Variants in FAF1 observed in about 807,000 individuals in gnomAD.
FAF1 encodes FAS-associated factor 1.
Under a neutral mutation model 92.5 loss-of-function variants are expected in FAF1, and 25 were observed. The ratio of observed to expected loss-of-function variants is 0.27; its 90% CI spans 0.20 to 0.38. The LOEUF is 0.38. Ranked by LOEUF, FAF1 falls within the 10% of genes least tolerant of loss-of-function variation. The probability of loss-of-function intolerance (pLI) is 1.00; values close to 1 mark genes in which losing one functional copy is unlikely to be tolerated. For missense variants in FAF1, 636 were observed against 793.3 expected (o/e 0.80, Z 2.38); for synonymous variants, 234 against 273.2 (o/e 0.86, Z 1.42).
At chr1:50,788,691 A>G (rs912366608) in intron 3 of FAF1, among the ~76,000 whole-genome samples, 1 of 152,210 alleles carries the variant, frequency 6.6e-6, no homozygotes. Context: ...TGCCAAGAAA[A>G]CAAAAGCCAT....
intron 8 of FAF1, among the ~76,000 whole-genome samples, chr1:50,622,862 G>A (rs994536447): frequency 6.6e-6 from 1 of 152,200 alleles, no homozygotes; most frequent in Non-Finnish European, 1.5e-5. Flanking sequence ...CCAGGAAGCA[G>A]TGGTAGGCAC....
rs950053547 is a variant in FAF1, at chr1:50,620,386, T to C, written c.745-24170A>G. ...CTTGTATTGTATTATGAAATTCTTG[T>C]AGTAAACTTAGCAGCTCTAGAAATT... On this transcript the variant is annotated intron_variant, in intron 8 of 18. Transcript: ENST00000396153. Among the ~76,000 whole-genome samples, 29 of 152,248 alleles carry C rather than the reference T, an allele frequency of 1.9e-4. 1 individual carries two copies. Among genetic ancestry groups the C allele is most frequent in the African/African-American group, 7.0e-4 (29 of 41,462 alleles).
chr1:50,501,625 C>T (rs537171911), intron 15 of FAF1, among the ~76,000 whole-genome samples: 66 of 149,786 alleles, frequency 4.4e-4, no homozygotes, highest in African/African-American at 1.2e-3. Context: ...TGCACCACTG[C>T]ACTCCAGCCT....
intron 7 of FAF1, among the ~76,000 whole-genome samples, chr1:50,693,984 T>C (rs1277831292): frequency 7.8e-6 from 1 of 127,692 alleles, no homozygotes; most frequent in African/African-American, 3.6e-5. Flanking sequence ...AAGTGATCTA[T>C]ATGTATATGT....
intron 8 of FAF1, among the ~76,000 whole-genome samples, chr1:50,621,396 T>TC (rs1395756109): frequency 1.4e-4 from 17 of 124,036 alleles, no homozygotes; most frequent in Non-Finnish European, 2.5e-4. Flanking sequence ...TTTTTCTTTT[T>TC]TTTTTTTTTT....
chr1:50,648,257 T>TCAAAACAAAA (rs548826664), intron 8 of FAF1, among the ~76,000 whole-genome samples: 9 of 151,840 alleles, frequency 5.9e-5, no homozygotes, highest in African/African-American at 2.2e-4. Context: ...AAACTCCGTC[T>TCAAAACAAAA]CAAAACAAAA....
intron 2 of FAF1, among the ~76,000 whole-genome samples, chr1:50,835,097 T>C (rs903677150): frequency 6.6e-6 from 1 of 152,178 alleles, no homozygotes; most frequent in Non-Finnish European, 1.5e-5. Flanking sequence ...TGTGAGGAAG[T>C]ATGTGAAGAT....
Position 50,567,024 on chromosome 1 carries a change from T to C in FAF1, c.1268+53A>G, listed in dbSNP as rs546585231. The C allele has an allele frequency of 7.0e-5, 95 of 1,349,860 alleles. No individual in the cohort carries two copies. The African/African-American group carries it at 1.2e-3, about 16-fold the overall frequency. The allele number at this position is 1,349,860 out of a possible 1,614,324, so 83.6% of individuals were successfully genotyped here. ...ATGTTTATGATGATGATAAACACAA[T>C]GATTTTTTTTTTAATAGAAGCCCAA... On this transcript the variant is annotated intron_variant, in intron 13 of 18. Coordinates refer to ENST00000396153, the MANE Select transcript of FAF1 (RefSeq NM_007051.3).
At chr1:50,839,351 C>T (rs1644238352) in intron 2 of FAF1, among the ~76,000 whole-genome samples, 1 of 152,102 alleles carries the variant, frequency 6.6e-6, no homozygotes, top group South Asian at 2.1e-4. Context: ...GCTAAAAATT[C>T]ACAATATTTG....
chr1:50,929,690 C>T (rs1395806503), intron 1 of FAF1, among the ~76,000 whole-genome samples: 1 of 152,138 alleles, frequency 6.6e-6, no homozygotes, highest in Non-Finnish European at 1.5e-5. Context: ...TATCATGTGC[C>T]AGGCATAGTG....
chr1:50,845,131 A>G (rs1462225465), intron 2 of FAF1, among the ~76,000 whole-genome samples: 1 of 152,214 alleles, frequency 6.6e-6, no homozygotes, highest in East Asian at 1.9e-4. Flanking sequence ...AAGAAAAAAA[A>G]GAAAAATCTC....
chr1:50,895,110 G>GA (rs1043749242), intron 1 of FAF1, among the ~76,000 whole-genome samples: 36 of 150,096 alleles, frequency 2.4e-4, no homozygotes, highest in Non-Finnish European at 4.7e-4. Context: ...TTTTAGAAAA[G>GA]AAAAAAAAAT....
chr1:50,839,987 T>A (rs1325697880), intron 2 of FAF1, among the ~76,000 whole-genome samples: 2 of 151,884 alleles, frequency 1.3e-5, no homozygotes, highest in Admixed American at 6.6e-5. Flanking sequence ...GACAAGGCAA[T>A]TTAATAAGGA....
At chr1:50,663,689 C>G (rs1185134966) in intron 7 of FAF1, among the ~76,000 whole-genome samples, 4 of 151,596 alleles carry the variant, frequency 2.6e-5, no homozygotes, top group Admixed American at 2.6e-4. Flanking sequence ...TGGCGTGAGC[C>G]ACCGCGCCCG....
chr1:50,459,133 G>C (rs748659204), intron 18 of FAF1, among the ~76,000 whole-genome samples: 1 of 151,924 alleles, frequency 6.6e-6, no homozygotes, highest in Non-Finnish European at 1.5e-5. Context: ...CACCACACCT[G>C]GCTAATTTTT....
chr1:50,870,162 A>T (rs1478854829), intron 1 of FAF1, among the ~76,000 whole-genome samples: 1 of 152,216 alleles, frequency 6.6e-6, no homozygotes, highest in East Asian at 1.9e-4. Flanking sequence ...TTGCATTTTT[A>T]AAAAATTGAA....
intron 12 of FAF1, among the ~76,000 whole-genome samples, chr1:50,568,667 C>T (rs1015153909): frequency 6.6e-6 from 1 of 152,124 alleles, no homozygotes; most frequent in Non-Finnish European, 1.5e-5. Flanking sequence ...GTTTAGAAAG[C>T]GGACTTGTCC....
intron 4 of FAF1, among the ~76,000 whole-genome samples, chr1:50,753,977 C>T (rs1205755540): frequency 2.6e-5 from 4 of 151,920 alleles, no homozygotes; most frequent in Admixed American, 1.3e-4. Flanking sequence ...AGGCTGGTCT[C>T]GATCTCCTGA....
At chr1:50,790,365 C>T (rs939504103) in intron 3 of FAF1, among the ~76,000 whole-genome samples, 2 of 152,138 alleles carry the variant, frequency 1.3e-5, no homozygotes, top group East Asian at 3.9e-4. Context: ...TGGGCTCGAA[C>T]TCCTGACCTC....
Sources: gnomAD v4.1 joint callset for allele counts (sites outside exome capture counted in the v4.1 genomes callset) on GRCh38, gnomAD v4.1.1 for gene constraint, MANE v1.5 for transcripts, NCBI Gene and HGNC (gene_info 2026-07-23, HGNC 2026-07-21) for gene names.